MSRA: variants seen among roughly 807,000 people sequenced by gnomAD.
The protein encoded by MSRA is methionine sulfoxide reductase A.
A neutral mutation model predicts 31.3 loss-of-function variants in MSRA; 54 were observed. That is an observed-to-expected ratio of 1.73 (90% confidence interval 1.39 to 2.17). The LOEUF (loss-of-function observed/expected upper bound fraction) is 2.17, where lower values mean the gene tolerates loss of function less well. Ranked by LOEUF, MSRA falls within the 30% of genes most tolerant of loss-of-function variation. The pLI, the probability that MSRA is intolerant of heterozygous loss-of-function variation, is 0.00. For missense variants in MSRA, 507 were observed against 300.9 expected, an observed-to-expected ratio of 1.69 and a Z score of -5.07; for synonymous variants, 169 against 116.5, an observed-to-expected ratio of 1.45 and a Z score of -2.90.
At chr8:10,340,740 G>T (rs1031917065) in intron 5 of MSRA, among the ~76,000 whole-genome samples, 1 of 152,186 alleles carries the variant, frequency 6.6e-6, no homozygotes, top group South Asian at 2.1e-4. Context: ...AATTCAAAAG[G>T]TATTTACCAA....
chr8:10,093,954 G>T (rs1053514700), intron 1 of MSRA, among the ~76,000 whole-genome samples: 2 of 152,208 alleles, frequency 1.3e-5, no homozygotes, highest in Non-Finnish European at 2.9e-5. Flanking sequence ...GGTCTCCATG[G>T]TTTTCAATGA....
At chr8:10,214,697 G>A (rs1326566401) in intron 2 of MSRA, among the ~76,000 whole-genome samples, 2 of 152,292 alleles carry the variant, frequency 1.3e-5, no homozygotes, top group East Asian at 3.9e-4. Flanking sequence ...GGTCAGAACT[G>A]CAGGCTGCTA....
chr8:10,108,857 AG>A (rs1800081457), intron 1 of MSRA, among the ~76,000 whole-genome samples: 1 of 152,160 alleles, frequency 6.6e-6, no homozygotes, highest in Admixed American at 6.5e-5. Context: ...TCAACATAAA[AG>A]CAGCCCAGAG....
chr8:10,274,150 G>A (rs1799195727), intron 3 of MSRA, among the ~76,000 whole-genome samples: 1 of 152,160 alleles, frequency 6.6e-6, no homozygotes, highest in South Asian at 2.1e-4. Context: ...GAGAAAGAAG[G>A]GTAGGTTTGG....
At chr8:10,054,710 C>T (rs114746252) in intron 1 of MSRA, 52 bp downstream of exon 1, 19 of 1,423,624 alleles carry the variant, frequency 1.3e-5, no homozygotes, top group Admixed American at 7.7e-5. Context: ...GCATGCGCGC[C>T]TTTGCCCGGC....
intron 2 of MSRA, among the ~76,000 whole-genome samples, chr8:10,238,193 C>G (rs757842630): frequency 1.3e-5 from 2 of 152,178 alleles, no homozygotes; most frequent in African/African-American, 2.4e-5. Flanking sequence ...GGACTGCTTT[C>G]TCTACCCCTT....
chr8:10,271,435 G>A (rs906552755), intron 3 of MSRA, among the ~76,000 whole-genome samples: 6 of 35,356 alleles, frequency 1.7e-4, no homozygotes, highest in African/African-American at 4.1e-4. Context: ...AGGACTAAGG[G>A]ATGGAAATTG....
At chr8:10,197,547 G>A (rs1414696738) in intron 1 of MSRA, among the ~76,000 whole-genome samples, 2 of 152,286 alleles carry the variant, frequency 1.3e-5, no homozygotes, top group East Asian at 3.9e-4. Context: ...CTTTCCGTCT[G>A]TATCACCACC....
At chr8:10,077,795 A>G (rs1418796506) in intron 1 of MSRA, among the ~76,000 whole-genome samples, 2 of 151,938 alleles carry the variant, frequency 1.3e-5, no homozygotes, top group East Asian at 1.9e-4. Context: ...GGACCTGGCA[A>G]TTTCTTGCTA....
intron 3 of MSRA, among the ~76,000 whole-genome samples, chr8:10,293,235 A>T (rs1202480708): frequency 6.6e-6 from 1 of 152,146 alleles, no homozygotes; most frequent in Non-Finnish European, 1.5e-5. Context: ...GGGGTGCGCC[A>T]TCCCTATGAT....
intron 1 of MSRA, among the ~76,000 whole-genome samples, chr8:10,076,789 G>T (rs991067585): frequency 6.6e-6 from 1 of 152,026 alleles, no homozygotes; most frequent in Non-Finnish European, 1.5e-5. Flanking sequence ...ACCCAGCTCC[G>T]ATAGAGTGGG....
chr8:10,370,393 G>T (rs1025470666), intron 5 of MSRA, among the ~76,000 whole-genome samples: 8 of 152,166 alleles, frequency 5.3e-5, no homozygotes, highest in African/African-American at 1.9e-4. Context: ...CATAGCATAC[G>T]GGCGGCCAGT....
intron 5 of MSRA, among the ~76,000 whole-genome samples, chr8:10,343,383 A>T (rs1195612385): frequency 2.0e-5 from 3 of 152,244 alleles, no homozygotes; most frequent in Admixed American, 2.0e-4. Flanking sequence ...TCAGGGTGGA[A>T]TGCAATCTCA....
chr8:10,422,228 A>T (rs1019670626), intron 5 of MSRA, among the ~76,000 whole-genome samples: 1 of 152,176 alleles, frequency 6.6e-6, no homozygotes. Context: ...AGGGCCTGCC[A>T]TCAACCATGG....
intron 1 of MSRA, among the ~76,000 whole-genome samples, chr8:10,069,064 A>T (rs918111808): frequency 6.6e-6 from 1 of 152,220 alleles, no homozygotes; most frequent in Non-Finnish European, 1.5e-5. Flanking sequence ...GTGATTTCAA[A>T]TTCCAGTTGT....
intron 5 of MSRA, among the ~76,000 whole-genome samples, chr8:10,346,592 G>A (rs1017499072): frequency 6.6e-6 from 1 of 152,238 alleles, no homozygotes; most frequent in East Asian, 1.9e-4. Flanking sequence ...GCAAGCGGAA[G>A]AGAGAAAGCT....
At chr8:10,116,953 C>T (rs35114037) in intron 1 of MSRA, among the ~76,000 whole-genome samples, 25,805 of 151,954 alleles carry the variant, frequency 0.17, 2,885 homozygotes, top group Non-Finnish European at 0.26. Context: ...GCAACAAGAG[C>T]GAAACTCCAA....
intron 1 of MSRA, among the ~76,000 whole-genome samples, chr8:10,108,166 G>A (rs1047784531): frequency 6.6e-6 from 1 of 152,168 alleles, no homozygotes; most frequent in Non-Finnish European, 1.5e-5. Flanking sequence ...GTTCTCAGTG[G>A]TTCTATTTGG....
chr8:10,301,446 T>A, intron 3 of MSRA, 88 bp from the exon 4 acceptor site: 19 of 980,820 alleles, frequency 1.9e-5, no homozygotes, highest in Non-Finnish European at 2.9e-5. Context: ...AGTTTCAGCT[T>A]TTGTCTGTTG....
Sources: gnomAD v4.1 joint callset for allele counts (sites outside exome capture counted in the v4.1 genomes callset) on GRCh38, gnomAD v4.1.1 for gene constraint, MANE v1.5 for transcripts, NCBI Gene and HGNC (gene_info 2026-07-23, HGNC 2026-07-21) for gene names.